JAKMIP1: variants seen among roughly 807,000 people sequenced by gnomAD.
JAKMIP1 encodes the protein janus kinase and microtubule-interacting protein 1.
A neutral mutation model predicts 113.0 loss-of-function variants in JAKMIP1; 33 were observed. The ratio of observed to expected loss-of-function variants is 0.29; its 90% CI spans 0.22 to 0.39. The LOEUF is 0.39. JAKMIP1 is among the 10% of genes least tolerant of loss of function. The probability of loss-of-function intolerance (pLI) is 1.00; values close to 1 mark genes in which losing one functional copy is unlikely to be tolerated. For synonymous variants in JAKMIP1, 480 were observed against 459.9 expected, an observed-to-expected ratio of 1.04 and a Z score of -0.56; for missense variants, 813 against 1,080.5, an observed-to-expected ratio of 0.75 and a Z score of 3.47.
chr4:6,177,082 G>C (rs1200589768), intron 1 of JAKMIP1, among the ~76,000 whole-genome samples: 5 of 152,138 alleles, frequency 3.3e-5, no homozygotes, highest in Non-Finnish European at 7.4e-5. Flanking sequence ...TTGTTGTCAT[G>C]AGCAGTGACC....
intron 16 of JAKMIP1, among the ~76,000 whole-genome samples, chr4:6,043,448 C>T (rs1343124053): frequency 5.3e-5 from 8 of 152,022 alleles, no homozygotes; most frequent in Admixed American, 3.9e-4. Flanking sequence ...TGCCCTCCCC[C>T]GGGATCCACC....
rs1725768002 is a variant in JAKMIP1, at chr4:6,179,448, T to A, written c.-148+20805A>T. 6.6e-6 allele frequency among the ~76,000 whole-genome samples: 1 copy of A among 152,048 alleles called. No homozygotes were observed. Among genetic ancestry groups the A allele is most frequent in the Non-Finnish European group, 1.5e-5 (1 of 68,004 alleles). On this transcript the variant is annotated intron_variant, in intron 1 of 20. Coordinates refer to ENST00000409021, the MANE Select transcript of JAKMIP1 (RefSeq NM_001099433.2). This position sits in a 1 kb window ranked among gnomAD's most constrained non-coding sequence, Gnocchi z 4.5. ...CCCCACACAGGGAGACCCTGCCCCA[T>A]CCACCACCACCTCCTTCCTCTACCT...
chr4:6,112,639 T>G, intron 2 of JAKMIP1, 83 bp downstream of exon 2: 1 of 1,491,760 alleles, frequency 6.7e-7, no homozygotes, highest in Non-Finnish European at 9.1e-7. Flanking sequence ...TGGAACAGGC[T>G]CTTCACACAC....
chr4:6,133,794 G>C (rs987954999), intron 1 of JAKMIP1, among the ~76,000 whole-genome samples: 1 of 152,178 alleles, frequency 6.6e-6, no homozygotes, highest in African/African-American at 2.4e-5. Context: ...GGAGGTAGGG[G>C]TCATATGACT....
At chr4:6,048,594 G>A (rs1177231056) in intron 16 of JAKMIP1, among the ~76,000 whole-genome samples, 1 of 152,232 alleles carries the variant, frequency 6.6e-6, no homozygotes, top group East Asian at 1.9e-4. Context: ...TGGACGCAGG[G>A]AAACCACTGG....
intron 3 of JAKMIP1, among the ~76,000 whole-genome samples, chr4:6,090,221 CAA>C (rs200374116): frequency 7.2e-6 from 1 of 139,394 alleles, no homozygotes. Flanking sequence ...GAGTCCATTT[CAA>C]AAAAAAAAAG....
intron 16 of JAKMIP1, among the ~76,000 whole-genome samples, chr4:6,047,819 T>G (rs1715186721): frequency 2.0e-5 from 3 of 152,226 alleles, no homozygotes; most frequent in African/African-American, 7.2e-5. Context: ...GGAAAAGGTC[T>G]TTAGCCACAA....
intron 18 of JAKMIP1, among the ~76,000 whole-genome samples, 193 bp from the exon 19 acceptor site, chr4:6,036,300 C>G (rs113322303): frequency 2.6e-5 from 4 of 152,344 alleles, no homozygotes; most frequent in African/African-American, 9.6e-5. Flanking sequence ...GCCCCGCACA[C>G]TTGTCATTTT....
rs1157585762 is a variant in JAKMIP1, at chr4:6,199,456, G to T, written c.-148+797C>A. On this transcript the variant is annotated intron_variant, in intron 1 of 20. Transcript: ENST00000409021. This position sits in a 1 kb window ranked among gnomAD's most constrained non-coding sequence, Gnocchi z 5.6. ...GGAGGCGAGGCCGCAGCGCACTGACGCAGGCCAGCGAGGCCGCTGGCCCCG... is the reference window on the plus strand; with the variant it reads ...GGAGGCGAGGCCGCAGCGCACTGACTCAGGCCAGCGAGGCCGCTGGCCCCG... Among the ~76,000 whole-genome samples, 5 of 152,200 alleles carry T rather than the reference G, an allele frequency of 3.3e-5. No homozygotes were observed. Among genetic ancestry groups the T allele is most frequent in the Admixed American group, 3.3e-4 (5 of 15,292 alleles).
At chr4:6,030,941 C>T (rs768898307) in intron 19 of JAKMIP1, among the ~76,000 whole-genome samples, 55 of 152,276 alleles carry the variant, frequency 3.6e-4, no homozygotes, top group Non-Finnish European at 5.4e-4. Flanking sequence ...AGGACGCAGA[C>T]GGTCCGGGGC....
At chr4:6,032,919 A>G (rs1712928271) in intron 19 of JAKMIP1, among the ~76,000 whole-genome samples, 1 of 152,146 alleles carries the variant, frequency 6.6e-6, no homozygotes, top group African/African-American at 2.4e-5. Context: ...GAAAGAGACA[A>G]TGGAGAGGGC....
At chr4:6,182,824 A>G (rs1427463384) in intron 1 of JAKMIP1, among the ~76,000 whole-genome samples, 1 of 152,214 alleles carries the variant, frequency 6.6e-6, no homozygotes, top group Non-Finnish European at 1.5e-5. Context: ...CCGTTTCTAG[A>G]TACAACTGCT....
At chr4:6,092,011 C>T (rs998401475) in intron 3 of JAKMIP1, among the ~76,000 whole-genome samples, 3 of 152,132 alleles carry the variant, frequency 2.0e-5, no homozygotes, top group African/African-American at 7.2e-5. Flanking sequence ...TTCTAAGAAC[C>T]TTTGGAATCT....
At position 6,069,032 on chromosome 4, in the gene JAKMIP1, T is replaced by C. The variant is rs1051074883; in HGVS notation, c.1303-4024A>G. On this transcript the variant is annotated intron_variant, in intron 8 of 20. Transcript: ENST00000409021. The surrounding 1 kb of genome is among the most constrained non-coding windows in gnomAD (Gnocchi z 4.5). ...CTCAATATATTTGTGTCTTTATTAA[T>C]AAAAAATAGAAACAATATATTAATG... Among the ~76,000 whole-genome samples, 2 of 152,108 alleles carry C rather than the reference T, an allele frequency of 1.3e-5. No homozygotes were observed. Among genetic ancestry groups the C allele is most frequent in the Non-Finnish European group, 2.9e-5 (2 of 68,020 alleles).
At position 6,106,111 on chromosome 4, in the gene JAKMIP1, G is replaced by A. The variant is rs1020755962; in HGVS notation, c.130-144C>T. 5 of 613,988 alleles carry A rather than the reference G, an allele frequency of 8.1e-6. No individual in the cohort carries two copies. The highest frequency in any genetic ancestry group is 1.4e-5 in the Non-Finnish European group (5 of 351,260). 38.0% of individuals were successfully genotyped at this position (613,988 alleles called of 1,614,324 possible). A position where few individuals can be genotyped will look rare whatever the true frequency, so the allele number is the denominator to read the frequency against. On this transcript the variant is annotated intron_variant, in intron 2 of 20. Transcript: ENST00000409021. The surrounding 1 kb of genome is among the most constrained non-coding windows in gnomAD (Gnocchi z 5.9). ...CCACGTTCCCATGGATTCCCCCTTC[G>A]GCAGTGCCCTGCAGGCCTGACCCTC...
Position 6,044,014 on chromosome 4 carries a change from G to A in JAKMIP1, c.2029-1787C>T, listed in dbSNP as rs534197143. On this transcript the variant is annotated intron_variant, in intron 16 of 20. Coordinates refer to ENST00000409021, the MANE Select transcript of JAKMIP1 (RefSeq NM_001099433.2). This position sits in a 1 kb window ranked among gnomAD's most constrained non-coding sequence, Gnocchi z 4.4. ...CCATGTGCTGTCCCTACCTCTCCTG[G>A]CCCCAGCCTCAGCCCCAGGCCTTTA... Among the ~76,000 whole-genome samples the A allele has an allele frequency of 6.6e-6, 1 of 151,830 alleles. No homozygotes were observed. Among genetic ancestry groups the A allele is most frequent in the Non-Finnish European group, 1.5e-5 (1 of 67,972 alleles).
intron 5 of JAKMIP1, among the ~76,000 whole-genome samples, chr4:6,084,566 T>TCGGTTGTTAA (rs1262877490): frequency 1.3e-5 from 2 of 152,162 alleles, no homozygotes; most frequent in African/African-American, 2.4e-5. Flanking sequence ...TTTTTCGGTT[T>TCGGTTGTTAA]CGGTTGTTAA....
chr4:6,036,383 C>T (rs1713442290), intron 18 of JAKMIP1, among the ~76,000 whole-genome samples: 1 of 152,238 alleles, frequency 6.6e-6, no homozygotes, highest in African/African-American at 2.4e-5. Context: ...GTAATCATAG[C>T]ATTCCCTTAA....
rs538823256 is a variant in JAKMIP1, at chr4:6,031,924, A to T, written c.2380-2143T>A. The stretch of plus-strand genomic sequence containing the variant: ...TGAGCACTCCATATGTTATTTTTTT[A>T]AACTGATAATTTTCTACTCTCTCCC... On this transcript the variant is annotated intron_variant, in intron 19 of 20. Transcript: ENST00000409021. This position sits in a 1 kb window ranked among gnomAD's most constrained non-coding sequence, Gnocchi z 4.4. 1.2e-4 allele frequency among the ~76,000 whole-genome samples: 19 copies of T among 152,290 alleles called. No individual in the cohort carries two copies. Among genetic ancestry groups the T allele is most frequent in the African/African-American group, 4.6e-4 (19 of 41,544 alleles).
Sources: gnomAD v4.1 joint callset for allele counts (sites outside exome capture counted in the v4.1 genomes callset) on GRCh38, gnomAD v4.1.1 for gene constraint, Gnocchi (gnomAD v3.1) non-coding constraint, MANE v1.5 for transcripts, NCBI Gene and HGNC (gene_info 2026-07-23, HGNC 2026-07-21) for gene names.